The following NEBL variants were observed in gnomAD, a reference collection of about 807,000 sequenced individuals.
NEBL encodes nebulette.
NEBL carries 122 observed loss-of-function variants against 140.2 expected under a neutral mutation model. The ratio of observed to expected loss-of-function variants is 0.87; its 90% CI spans 0.75 to 1.01. The LOEUF is 1.01. Among genes scored for constraint, NEBL ranks in the 50% least tolerant of loss-of-function variants. NEBL has a pLI of 0.00. For synonymous variants in NEBL, 436 were observed against 398.9 expected, an observed-to-expected ratio of 1.09 and a Z score of -1.11; for missense variants, 1,365 against 1,231.3, an observed-to-expected ratio of 1.11 and a Z score of -1.62.
intron 24 of NEBL, among the ~76,000 whole-genome samples, chr10:20,811,506 A>C (rs945866299): frequency 6.6e-6 from 1 of 152,214 alleles, no homozygotes; most frequent in Non-Finnish European, 1.5e-5. Context: ...CATCCAACTT[A>C]ATGTGATCCT....
intron 2 of NEBL, among the ~76,000 whole-genome samples, chr10:21,164,772 A>G (rs1446214601): frequency 1.3e-5 from 2 of 152,212 alleles, no homozygotes; most frequent in Non-Finnish European, 2.9e-5. Flanking sequence ...TTGTATATAC[A>G]CTGGAACCTT....
intron 11 of NEBL, among the ~76,000 whole-genome samples, chr10:20,848,740 G>T (rs1051980701): frequency 6.6e-6 from 1 of 152,030 alleles, no homozygotes; most frequent in Admixed American, 6.6e-5. Context: ...ACCACCACTC[G>T]CCAGTCCATG....
At chr10:21,108,890 C>G (rs540812340) in intron 2 of NEBL, among the ~76,000 whole-genome samples, 1 of 151,896 alleles carries the variant, frequency 6.6e-6, no homozygotes, top group Non-Finnish European at 1.5e-5. Flanking sequence ...CTTGGTGAAT[C>G]GATCCCTTTA....
At chr10:20,954,602 A>G (rs1835690708) in intron 4 of NEBL, among the ~76,000 whole-genome samples, 1 of 152,216 alleles carries the variant, frequency 6.6e-6, no homozygotes, top group Admixed American at 6.5e-5. Flanking sequence ...AAAGGAAGAA[A>G]AGGGGGAAAC....
chr10:20,875,923 T>C (rs1845455605), intron 5 of NEBL, among the ~76,000 whole-genome samples: 1 of 152,222 alleles, frequency 6.6e-6, no homozygotes, highest in Admixed American at 6.5e-5. Context: ...AGTGGTAATC[T>C]TTAAGCAATG....
In NEBL at chr10:20,953,506, A is replaced by ATTT. The variant is rs146415247; in HGVS notation, c.357+8163_357+8165dup. 2.2e-3 allele frequency among the ~76,000 whole-genome samples: 261 copies of ATTT among 119,756 alleles called. 5 individuals are homozygous for ATTT. In the East Asian group the frequency reaches 0.048, roughly 22 times the overall value. 78.6% of individuals were successfully genotyped at this position (119,756 alleles called of 152,430 possible). On this transcript the variant is annotated intron_variant, in intron 4 of 6. Transcript: ENST00000417816. ...CCTGAGCAGACTAAGACAAGCCCTAATTTTTTTTTTTTTTTTTTTTTTGTA... is the reference window on the plus strand; with the variant it reads ...CCTGAGCAGACTAAGACAAGCCCTAATTTTTTTTTTTTTTTTTTTTTTTTTGTA...
intron 15 of NEBL, 53 bp downstream of exon 15, chr10:20,831,420 C>A: frequency 6.5e-7 from 1 of 1,529,998 alleles, no homozygotes; most frequent in Non-Finnish European, 9.0e-7. Flanking sequence ...ATGCTCTTTC[C>A]AGCTATGATT....
upstream of NEBL, among the ~76,000 whole-genome samples, chr10:20,897,883 A>G (rs1041651290): frequency 1.3e-5 from 2 of 152,216 alleles, no homozygotes; most frequent in South Asian, 4.1e-4. Context: ...GACTGTTAGT[A>G]TTATACTGGC....
intron 2 of NEBL, chr10:21,029,901 C>T (rs1833705523): frequency 1.6e-5 from 10 of 629,444 alleles, no homozygotes; most frequent in Non-Finnish European, 2.9e-5. Context: ...GCTATGAAGA[C>T]CGATACAACA....
intron 26 of NEBL, among the ~76,000 whole-genome samples, chr10:20,796,971 A>C (rs1032700779): frequency 6.6e-6 from 1 of 152,240 alleles, no homozygotes; most frequent in Admixed American, 6.5e-5. Flanking sequence ...CAGTGCAGAC[A>C]CATATGTAGC....
intron 2 of NEBL, among the ~76,000 whole-genome samples, chr10:21,086,886 AC>A (rs1370426352): frequency 6.6e-6 from 1 of 152,210 alleles, no homozygotes; most frequent in Non-Finnish European, 1.5e-5. Flanking sequence ...GTCTCTTATG[AC>A]TGCCACCCAT....
chr10:21,287,121 A>G (rs1451476766), intron 1 of NEBL, among the ~76,000 whole-genome samples: 2 of 152,172 alleles, frequency 1.3e-5, no homozygotes, highest in Non-Finnish European at 2.9e-5. Flanking sequence ...GTTAACAGAG[A>G]AGCAAGTACC....
rs978117332 is a variant in NEBL, at chr10:21,120,778, C to T, written c.164+51605G>A. On this transcript the variant is annotated intron_variant, in intron 2 of 6. Coordinates refer to the NEBL transcript ENST00000417816. ...AGAACTAAGCCCTGCTGAGGAAGAA[C>T]ACACGCCCAAGTGAGGTCTGAAGTC... 6.1e-5 allele frequency among the ~76,000 whole-genome samples: 9 copies of T among 147,944 alleles called. No individual in the cohort carries two copies. In the East Asian group the frequency reaches 1.4e-3, roughly 24 times the overall value.
At chr10:21,191,474 T>C (rs1260982928) in intron 3 of NEBL, among the ~76,000 whole-genome samples, 5 of 152,188 alleles carry the variant, frequency 3.3e-5, no homozygotes, top group South Asian at 4.1e-4. Flanking sequence ...GCCTTCTTTA[T>C]AGTACATGGA....
chr10:21,139,992 A>C (rs1456144428), intron 2 of NEBL, among the ~76,000 whole-genome samples: 3 of 150,636 alleles, frequency 2.0e-5, no homozygotes, highest in Non-Finnish European at 4.4e-5. Flanking sequence ...CTCAACAAAA[A>C]AAAAAAAAAA....
At chr10:21,015,890 T>C (rs1838536695) in intron 3 of NEBL, among the ~76,000 whole-genome samples, 2 of 152,242 alleles carry the variant, frequency 1.3e-5, no homozygotes, top group Admixed American at 1.3e-4. Flanking sequence ...ACAAAGAGTT[T>C]GTGTTCCAAA....
At chr10:21,029,284 T>G in intron 2 of NEBL, 1 of 1,606,068 alleles carries the variant, frequency 6.2e-7, no homozygotes, top group South Asian at 1.1e-5. Context: ...ATCGCCACCC[T>G]ACACTTCTTT....
chr10:20,989,064 ATTACT>A (rs1837362389), intron 3 of NEBL, among the ~76,000 whole-genome samples: 1 of 152,250 alleles, frequency 6.6e-6, no homozygotes, highest in East Asian at 1.9e-4. Context: ...CAAAACCATG[ATTACT>A]TTAAGAATTT....
chr10:20,999,090 G>A (rs934823068), intron 3 of NEBL, among the ~76,000 whole-genome samples: 12 of 151,418 alleles, frequency 7.9e-5, no homozygotes, highest in African/African-American at 2.7e-4. Context: ...TTTTATCTGC[G>A]GCACCAAAAA....
Sources: allele counts gnomAD v4.1 joint callset (sites outside exome capture counted in the v4.1 genomes callset), GRCh38; gene constraint gnomAD v4.1.1; transcripts MANE v1.5; gene names NCBI Gene and HGNC (gene_info 2026-07-23, HGNC 2026-07-21).